Variants in GRIN2A observed in about 807,000 individuals in gnomAD.
GRIN2A encodes glutamate ionotropic receptor NMDA type subunit 2A.
GRIN2A carries 22 observed loss-of-function variants against 113.4 expected under a neutral mutation model. The ratio of observed to expected loss-of-function variants is 0.19; its 90% CI spans 0.14 to 0.28. GRIN2A has a LOEUF of 0.28. GRIN2A is among the 10% of genes least tolerant of loss of function. The probability of loss-of-function intolerance (pLI) is 1.00; values close to 1 mark genes in which losing one functional copy is unlikely to be tolerated. For synonymous variants in GRIN2A, 827 were observed against 738.4 expected (o/e 1.12, Z -1.94); for missense variants, 1,502 against 1,887.0 (o/e 0.80, Z 3.78).
chr16:9,990,667 A>AT (rs148669337), intron 2 of GRIN2A, among the ~76,000 whole-genome samples: 20 of 147,058 alleles, frequency 1.4e-4, no homozygotes, highest in South Asian at 4.3e-4. Flanking sequence ...TTACATTGGC[A>AT]TTTTTTTTTT....
chr16:9,961,663 C>A (rs997387553), intron 2 of GRIN2A, among the ~76,000 whole-genome samples: 65 of 152,128 alleles, frequency 4.3e-4, no homozygotes, highest in Non-Finnish European at 8.1e-4. Context: ...TAAATTTAAA[C>A]AAAATTTTTG....
At chr16:9,996,323 A>G (rs1056661676) in intron 2 of GRIN2A, among the ~76,000 whole-genome samples, 2 of 152,104 alleles carry the variant, frequency 1.3e-5, no homozygotes, top group Admixed American at 1.3e-4. Context: ...ACCACATTGC[A>G]TTGCGTGAAA....
chr16:10,107,169 T>C (rs2048515987), intron 2 of GRIN2A, among the ~76,000 whole-genome samples: 1 of 152,166 alleles, frequency 6.6e-6, no homozygotes, highest in Admixed American at 6.5e-5. Context: ...ATCCTAACCA[T>C]ACACAGGGAA....
At chr16:9,772,178 G>A (rs954045224) in intron 11 of GRIN2A, among the ~76,000 whole-genome samples, 8 of 152,012 alleles carry the variant, frequency 5.3e-5, no homozygotes, top group African/African-American at 1.9e-4. Flanking sequence ...CCATGCTTTC[G>A]CACAGTCACA....
At chr16:9,996,842 G>A (rs2046231915) in intron 2 of GRIN2A, among the ~76,000 whole-genome samples, 1 of 152,056 alleles carries the variant, frequency 6.6e-6, no homozygotes, top group Admixed American at 6.6e-5. Context: ...TCTTAACAAA[G>A]AAAACAGAAT....
intron 2 of GRIN2A, among the ~76,000 whole-genome samples, chr16:9,979,617 C>G (rs1440920404): frequency 1.3e-5 from 2 of 151,880 alleles, no homozygotes; most frequent in East Asian, 3.9e-4. Flanking sequence ...GTTTTTTCAC[C>G]TGTGTATTGA....
intron 11 of GRIN2A, among the ~76,000 whole-genome samples, chr16:9,785,062 C>T (rs1902154042): frequency 6.6e-6 from 1 of 152,110 alleles, no homozygotes; most frequent in African/African-American, 2.4e-5. Context: ...CTAGAAATAC[C>T]ATTTGAGCCA....
At chr16:9,989,358 C>A (rs927285423) in intron 2 of GRIN2A, among the ~76,000 whole-genome samples, 2 of 152,110 alleles carry the variant, frequency 1.3e-5, no homozygotes, top group Non-Finnish European at 2.9e-5. Context: ...TAAATCTGGA[C>A]CCCTATCTTT....
intron 4 of GRIN2A, among the ~76,000 whole-genome samples, chr16:9,854,044 G>T (rs564966723): frequency 6.6e-6 from 1 of 152,030 alleles, no homozygotes; most frequent in Non-Finnish European, 1.5e-5. Flanking sequence ...TTTTATATGC[G>T]TAATGATTGG....
At chr16:10,095,103 T>C (rs1165460670) in intron 2 of GRIN2A, among the ~76,000 whole-genome samples, 1 of 151,998 alleles carries the variant, frequency 6.6e-6, no homozygotes, top group African/African-American at 2.4e-5. Flanking sequence ...TCTCTCTCTC[T>C]CCACCAGCAT....
intron 11 of GRIN2A, among the ~76,000 whole-genome samples, chr16:9,787,655 C>A (rs183009575): frequency 3.5e-4 from 54 of 152,270 alleles, no homozygotes; most frequent in Admixed American, 3.5e-3. Context: ...TAAATACATA[C>A]AAGGACTGAG....
At chr16:10,104,526 T>C (rs182319523) in intron 2 of GRIN2A, among the ~76,000 whole-genome samples, 2 of 152,342 alleles carry the variant, frequency 1.3e-5, no homozygotes, top group East Asian at 3.9e-4. Flanking sequence ...TTCCATCTGA[T>C]TAGATCAAAA....
intron 2 of GRIN2A, among the ~76,000 whole-genome samples, chr16:10,127,195 C>G (rs1448256): frequency 0.94 from 142,703 of 151,734 alleles, 67,746 homozygotes; most frequent in East Asian, 1. Context: ...TCGTGCCACT[C>G]CACTCCAGCC....
intron 2 of GRIN2A, among the ~76,000 whole-genome samples, chr16:10,020,778 A>G (rs886261479): frequency 1.3e-5 from 2 of 152,174 alleles, no homozygotes; most frequent in African/African-American, 4.8e-5. Flanking sequence ...CTCAATAAAA[A>G]GCATTATTTT....
intron 3 of GRIN2A, among the ~76,000 whole-genome samples, chr16:9,926,642 TA>T (rs1391719792): frequency 1.3e-5 from 2 of 152,108 alleles, no homozygotes; most frequent in African/African-American, 4.8e-5. Flanking sequence ...ATGATTATGA[TA>T]AAAATAATAA....
chr16:9,908,044 G>T (rs546771026), intron 3 of GRIN2A, among the ~76,000 whole-genome samples: 1 of 152,148 alleles, frequency 6.6e-6, no homozygotes, highest in African/African-American at 2.4e-5. Context: ...AGAATGTCCC[G>T]GTGTGCTGGA....
chr16:9,935,593 C>A (rs1020413125), intron 3 of GRIN2A, among the ~76,000 whole-genome samples: 1 of 150,374 alleles, frequency 6.7e-6, no homozygotes, highest in South Asian at 2.1e-4. Flanking sequence ...AACCTCTGAA[C>A]TGTAGCAGAT....
At chr16:9,824,209 T>C (rs1175908482) in intron 9 of GRIN2A, among the ~76,000 whole-genome samples, 1 of 152,206 alleles carries the variant, frequency 6.6e-6, no homozygotes, top group East Asian at 1.9e-4. Flanking sequence ...AGGGTGTGCC[T>C]TGCCCTGGGA....
At chr16:9,869,282 A>C (rs965210912) in intron 4 of GRIN2A, among the ~76,000 whole-genome samples, 4 of 152,030 alleles carry the variant, frequency 2.6e-5, no homozygotes, top group African/African-American at 9.7e-5. Flanking sequence ...AAAATACAAA[A>C]ATTAGCTGAG....
Sources: allele counts gnomAD v4.1 joint callset (sites outside exome capture counted in the v4.1 genomes callset), GRCh38; gene constraint gnomAD v4.1.1; transcripts MANE v1.5; gene names NCBI Gene and HGNC (gene_info 2026-07-23, HGNC 2026-07-21).